Variants in AFF3 observed in about 807,000 individuals in gnomAD.
The protein encoded by AFF3 is ALF transcription elongation factor 3, also known as AF4/FMR2 family member 3.
AFF3 carries 32 observed loss-of-function variants against 129.7 expected under a neutral mutation model. The ratio of observed to expected loss-of-function variants is 0.25; its 90% CI spans 0.19 to 0.33. The LOEUF is 0.33. Among genes scored for constraint, AFF3 ranks in the 10% least tolerant of loss-of-function variants. The pLI is 1.00. For missense variants in AFF3, 1,373 were observed against 1,592.0 expected, an observed-to-expected ratio of 0.86 and a Z score of 2.34; for synonymous variants, 644 against 635.4, an observed-to-expected ratio of 1.01 and a Z score of -0.20.
At chr2:99,970,736 C>T (rs1167968492) in intron 7 of AFF3, among the ~76,000 whole-genome samples, 2 of 152,136 alleles carry the variant, frequency 1.3e-5, no homozygotes, top group Non-Finnish European at 2.9e-5. Context: ...GGGGCTTTGA[C>T]GTGGAGTTCT....
chr2:100,056,361 G>C (rs1356792089), intron 4 of AFF3, among the ~76,000 whole-genome samples: 2 of 152,082 alleles, frequency 1.3e-5, no homozygotes, highest in African/African-American at 4.8e-5. Flanking sequence ...GCTTAATATT[G>C]CTTCTAGAAT....
chr2:99,568,444 C>T (rs1431492488), intron 19 of AFF3, among the ~76,000 whole-genome samples: 1 of 152,140 alleles, frequency 6.6e-6, no homozygotes, highest in African/African-American at 2.4e-5. Flanking sequence ...GCATTCATTT[C>T]GGCAGATACA....
At chr2:99,749,195 G>GAT (rs1337913925) in intron 9 of AFF3, among the ~76,000 whole-genome samples, 2 of 152,164 alleles carry the variant, frequency 1.3e-5, no homozygotes, top group African/African-American at 4.8e-5. Context: ...GGTAACTATT[G>GAT]ATATATTAAT....
intron 23 of AFF3, 61 bp downstream of exon 23, chr2:99,554,622 C>T (rs1674748369): frequency 6.2e-7 from 1 of 1,612,590 alleles, no homozygotes; most frequent in African/African-American, 1.3e-5. Context: ...AAGCAAAGCG[C>T]AGTGGCCCAG....
chr2:99,915,572 C>T (rs1253412811), intron 7 of AFF3, among the ~76,000 whole-genome samples: 1 of 152,176 alleles, frequency 6.6e-6, no homozygotes, highest in Non-Finnish European at 1.5e-5. Flanking sequence ...TGGACAGTCA[C>T]ACAGGGCCTT....
At chr2:99,983,870 AT>A (rs1339373304) in intron 7 of AFF3, among the ~76,000 whole-genome samples, 1 of 152,188 alleles carries the variant, frequency 6.6e-6, no homozygotes, top group Non-Finnish European at 1.5e-5. Flanking sequence ...AGAAAAATTA[AT>A]GTAAATAACA....
intron 4 of AFF3, among the ~76,000 whole-genome samples, chr2:100,071,071 T>C (rs1391100193): frequency 6.6e-6 from 1 of 152,190 alleles, no homozygotes; most frequent in Admixed American, 6.5e-5. Context: ...CAGCACAGTG[T>C]AGATACTCAA....
intron 7 of AFF3, among the ~76,000 whole-genome samples, chr2:99,886,148 C>A (rs1204310023): frequency 1.3e-5 from 2 of 152,334 alleles, no homozygotes; most frequent in East Asian, 3.9e-4. Flanking sequence ...GTACCCTCTG[C>A]CTCATACCTA....
intron 7 of AFF3, among the ~76,000 whole-genome samples, chr2:99,883,256 C>T (rs2106028017): frequency 6.6e-6 from 1 of 152,246 alleles, no homozygotes; most frequent in South Asian, 2.1e-4. Flanking sequence ...ACAGAACTCT[C>T]ATGTATAAAA....
At chr2:99,876,405 G>C (rs1692302724) in intron 7 of AFF3, among the ~76,000 whole-genome samples, 1 of 152,038 alleles carries the variant, frequency 6.6e-6, no homozygotes, top group South Asian at 2.1e-4. Flanking sequence ...TAAACCCCCT[G>C]GATCTGTCCC....
intron 4 of AFF3, among the ~76,000 whole-genome samples, chr2:100,098,938 A>C: frequency 8.4e-6 from 1 of 119,756 alleles, no homozygotes; most frequent in African/African-American, 3.6e-5. Flanking sequence ...CCCCTTCCCC[A>C]CTGCTGCCCA....
chr2:99,837,861 T>C (rs1689012391), intron 7 of AFF3, among the ~76,000 whole-genome samples: 1 of 152,102 alleles, frequency 6.6e-6, no homozygotes, highest in Admixed American at 6.5e-5. Flanking sequence ...GCCATTAACG[T>C]GTGGAAACTG....
intron 14 of AFF3, among the ~76,000 whole-genome samples, chr2:99,596,421 C>G (rs1679295817): frequency 6.6e-6 from 1 of 152,200 alleles, no homozygotes; most frequent in African/African-American, 2.4e-5. Flanking sequence ...AAATCAATGG[C>G]TTCTAATTTT....
intron 16 of AFF3, among the ~76,000 whole-genome samples, chr2:99,583,631 C>T (rs1266645393): frequency 6.6e-6 from 1 of 152,154 alleles, no homozygotes; most frequent in African/African-American, 2.4e-5. Context: ...GTGCCTCGGC[C>T]TCCCAAAGTG....
At chr2:100,102,386 G>T (rs1690798816) in intron 4 of AFF3, among the ~76,000 whole-genome samples, 1 of 151,962 alleles carries the variant, frequency 6.6e-6, no homozygotes, top group South Asian at 2.1e-4. Flanking sequence ...AGTATATTGT[G>T]ATCAAGAAAG....
intron 11 of AFF3, among the ~76,000 whole-genome samples, chr2:99,676,769 G>T (rs7569609): frequency 0.063 from 9,633 of 152,152 alleles, 1,006 homozygotes; most frequent in African/African-American, 0.22. Flanking sequence ...ATGGTGGAGG[G>T]GAATATATTT....
At chr2:99,991,860 G>A (rs1287070032) in intron 7 of AFF3, among the ~76,000 whole-genome samples, 3 of 150,950 alleles carry the variant, frequency 2.0e-5, no homozygotes, top group South Asian at 2.1e-4. Context: ...CCGAGATTGC[G>A]ACACTGCACT....
At chr2:99,886,621 T>TG (rs1435598345) in intron 7 of AFF3, among the ~76,000 whole-genome samples, 1 of 152,180 alleles carries the variant, frequency 6.6e-6, no homozygotes, top group Non-Finnish European at 1.5e-5. Flanking sequence ...ATTTTGGACT[T>TG]GAAGTCCACT....
intron 4 of AFF3, among the ~76,000 whole-genome samples, chr2:100,024,540 G>A (rs545263426): frequency 2.8e-4 from 43 of 151,826 alleles, no homozygotes; most frequent in East Asian, 7.8e-4. Flanking sequence ...CCCAGGAGGC[G>A]GAGGTTGCGG....
Sources: allele counts gnomAD v4.1 joint callset (sites outside exome capture counted in the v4.1 genomes callset), GRCh38; gene constraint gnomAD v4.1.1; transcripts MANE v1.5; gene names NCBI Gene and HGNC (gene_info 2026-07-23, HGNC 2026-07-21).